Variants in WARS2 observed in about 807,000 individuals in gnomAD.
The protein encoded by WARS2 is tryptophanyl tRNA synthetase 2, mitochondrial.
WARS2 carries 28 observed loss-of-function variants against 36.5 expected under a neutral mutation model. The observed-to-expected ratio is 0.77, with a 90% CI of 0.57 to 1.05. The LOEUF is 1.05. Ranked by LOEUF, WARS2 falls within the 50% of genes least tolerant of loss-of-function variation. The pLI is 0.00. For synonymous variants in WARS2, 174 were observed against 178.4 expected, an observed-to-expected ratio of 0.98 and a Z score of 0.20; for missense variants, 435 against 456.8, an observed-to-expected ratio of 0.95 and a Z score of 0.44.
At chr1:119,098,181 G>A (rs1240774138) in intron 1 of WARS2, among the ~76,000 whole-genome samples, 1 of 151,994 alleles carries the variant, frequency 6.6e-6, no homozygotes, top group Admixed American at 6.5e-5. Flanking sequence ...CCCAGGAGGT[G>A]GAGGTTGCAG....
In WARS2 at chr1:119,078,897, CGT is replaced by C. The variant is rs144044142; in HGVS notation, c.91-2292_91-2291del. Among the ~76,000 whole-genome samples the C allele has an allele frequency of 2.4e-3, 362 of 148,066 alleles. 5 individuals carry two copies. Among genetic ancestry groups the C allele is most frequent in the African/African-American group, 5.1e-3 (208 of 40,440 alleles). On this transcript the variant is annotated intron_variant, in intron 1 of 5. Transcript: ENST00000235521. ...AATACCCTGCAGTTATGAAGGTGCA[CGT>C]GTGTGTGTGTGTGTGTGTGTGCATA...
chr1:119,114,803 A>G (rs764705993), intron 1 of WARS2, among the ~76,000 whole-genome samples: 5 of 152,212 alleles, frequency 3.3e-5, no homozygotes, highest in Non-Finnish European at 7.4e-5. Context: ...TACATCCTGC[A>G]AAGAACTAAA....
chr1:119,072,924 T>C (rs1434556858), intron 2 of WARS2, among the ~76,000 whole-genome samples: 2 of 152,036 alleles, frequency 1.3e-5, no homozygotes, highest in East Asian at 1.9e-4. Flanking sequence ...GAAGGCCAAG[T>C]TGGGAGAATC....
At position 119,085,393 on chromosome 1, in the gene WARS2, T is replaced by C. The variant is rs769707740; in HGVS notation, c.91-8786A>G. On this transcript the variant is annotated intron_variant, in intron 1 of 5. Transcript: ENST00000235521. ...GGGTTGTCCTCTTCCTTTACTGTCT[T>C]GCTTCTGGGTGACGAAGAGGATGGT... is the stretch of plus-strand genomic sequence containing the variant. 27 of 1,401,896 alleles carry C rather than the reference T, an allele frequency of 1.9e-5. 1 individual carries two copies. The highest frequency in any genetic ancestry group is 1.8e-4 in the Middle Eastern group (1 of 5,562). 86.8% of individuals were successfully genotyped at this position (1,401,896 alleles called of 1,614,324 possible).
intron 1 of WARS2, among the ~76,000 whole-genome samples, chr1:119,136,325 T>C (rs777930296): frequency 3.9e-5 from 6 of 152,216 alleles, no homozygotes; most frequent in Admixed American, 6.5e-5. Flanking sequence ...TTCCTTCCTC[T>C]ATATTTTCAA....
intron 2 of WARS2, among the ~76,000 whole-genome samples, chr1:119,061,890 T>G (rs1650412365): frequency 6.6e-6 from 1 of 152,200 alleles, no homozygotes; most frequent in Admixed American, 6.5e-5. Context: ...ACATTGCTTA[T>G]GATAAAAATA....
At chr1:119,085,321 AC>A in intron 1 of WARS2, 1 of 1,274,756 alleles carries the variant, frequency 7.8e-7, no homozygotes, top group Non-Finnish European at 1.1e-6. Flanking sequence ...CTGGGCACTG[AC>A]TTCTGAGCTC....
chr1:119,119,186 CTAACACG>C (rs1655178341), intron 1 of WARS2, among the ~76,000 whole-genome samples: 1 of 151,964 alleles, frequency 6.6e-6, no homozygotes, highest in Non-Finnish European at 1.5e-5. Flanking sequence ...AGAGACTCAC[CTAACACG>C]TAAAGACTCA....
intron 4 of WARS2, among the ~76,000 whole-genome samples, chr1:119,036,413 C>T (rs1340127573): frequency 6.6e-6 from 1 of 152,132 alleles, no homozygotes; most frequent in African/African-American, 2.4e-5. Flanking sequence ...GATGTACATG[C>T]AGACACCCCA....
intron 3 of WARS2, among the ~76,000 whole-genome samples, chr1:119,043,478 G>A (rs1287337290): frequency 6.6e-6 from 1 of 152,144 alleles, no homozygotes; most frequent in African/African-American, 2.4e-5. Context: ...TAATTTTGGT[G>A]TTTCATAATT....
chr1:119,123,486 C>A (rs1422960565), intron 1 of WARS2, among the ~76,000 whole-genome samples: 1 of 152,166 alleles, frequency 6.6e-6, no homozygotes, highest in Non-Finnish European at 1.5e-5. Flanking sequence ...CTATGTTAAT[C>A]AGTGAAGAAA....
At chr1:119,057,892 G>A (rs145495012) in intron 2 of WARS2, among the ~76,000 whole-genome samples, 2 of 152,146 alleles carry the variant, frequency 1.3e-5, no homozygotes, top group African/African-American at 4.8e-5. Flanking sequence ...GTGAATATTT[G>A]CTCCCACTTT....
intron 1 of WARS2, among the ~76,000 whole-genome samples, chr1:119,116,633 G>A (rs771750830): frequency 3.9e-5 from 6 of 152,180 alleles, no homozygotes; most frequent in East Asian, 1.9e-4. Flanking sequence ...TCCAGATCAC[G>A]GGAGGATTTA....
intron 2 of WARS2, among the ~76,000 whole-genome samples, chr1:119,056,186 A>ATTTT (rs751264352): frequency 8.6e-6 from 1 of 116,170 alleles, no homozygotes; most frequent in Non-Finnish European, 1.7e-5. Context: ...TGCCTGGCTA[A>ATTTT]TTTTTTTTTT....
chr1:119,048,274 C>A (rs1649024354), intron 2 of WARS2, among the ~76,000 whole-genome samples: 1 of 152,156 alleles, frequency 6.6e-6, no homozygotes, highest in Admixed American at 6.5e-5. Flanking sequence ...GCCACTTAGT[C>A]GCTGAGTGAC....
intron 1 of WARS2, chr1:119,126,938 T>C (rs1444917564): frequency 1.2e-5 from 9 of 743,990 alleles, no homozygotes; most frequent in Non-Finnish European, 1.9e-5. Flanking sequence ...GAAGCAATCA[T>C]TGTCTGCCAT....
chr1:119,102,217 C>T (rs1653923221), intron 1 of WARS2, among the ~76,000 whole-genome samples: 1 of 152,192 alleles, frequency 6.6e-6, no homozygotes, highest in Non-Finnish European at 1.5e-5. Flanking sequence ...AATAGTAATT[C>T]CCTTGAGAAG....
chr1:119,095,424 A>G (rs754743743), intron 1 of WARS2, among the ~76,000 whole-genome samples: 3 of 152,120 alleles, frequency 2.0e-5, no homozygotes, highest in Non-Finnish European at 4.4e-5. Context: ...ACTGTGAACA[A>G]AAGACTTCTT....
At chr1:119,050,283 A>G (rs905019600) in intron 2 of WARS2, among the ~76,000 whole-genome samples, 2 of 152,154 alleles carry the variant, frequency 1.3e-5, no homozygotes, top group African/African-American at 2.4e-5. Context: ...TCTTTGCTCT[A>G]ATATCATCTT....
Sources: gnomAD v4.1 joint callset for allele counts (sites outside exome capture counted in the v4.1 genomes callset) on GRCh38, gnomAD v4.1.1 for gene constraint, MANE v1.5 for transcripts, NCBI Gene and HGNC (gene_info 2026-07-23, HGNC 2026-07-21) for gene names.